Variants in PCDHA11 observed in about 807,000 individuals in gnomAD.
PCDHA11 encodes the protein protocadherin alpha 11.
PCDHA11 carries 61 observed loss-of-function variants against 70.3 expected under a neutral mutation model. The observed-to-expected ratio is 0.87, with a 90% confidence interval of 0.71 to 1.07. PCDHA11 has a LOEUF of 1.07. PCDHA11 is among the 50% of genes least tolerant of loss of function. The pLI is 0.00. For missense variants in PCDHA11, 1,324 were observed against 1,237.5 expected, an observed-to-expected ratio of 1.07 and a Z score of -1.05; for synonymous variants, 633 against 555.1, an observed-to-expected ratio of 1.14 and a Z score of -1.97.
rs782242128 is a variant in PCDHA11 at position 140,928,580 on chromosome 5, GT to G, written c.2392-50367del. 100 of 1,614,112 alleles carry G rather than the reference GT, an allele frequency of 6.2e-5. 1 individual carries two copies. The East Asian group carries it at 2.2e-3, about 36-fold the overall frequency. ...ATCTTGTTTCCCTTGCCCAGAAATG[GT>G]TCTGTCCCAGTGGAAATTGTGCCCC... On this transcript the variant is annotated intron_variant, in intron 1 of 3. Transcript: ENST00000398640.
At chr5:140,928,529 T>C in intron 1 of PCDHA11, 7 of 1,614,226 alleles carry the variant, frequency 4.3e-6, no homozygotes, top group Non-Finnish European at 4.2e-6. Flanking sequence ...TTGTTTGTGG[T>C]AGATAGGAAT....
intron 1 of PCDHA11, among the ~76,000 whole-genome samples, chr5:140,898,180 G>T (rs1216288813): frequency 6.6e-6 from 1 of 152,128 alleles, no homozygotes; most frequent in Non-Finnish European, 1.5e-5. Context: ...CTGTGCAGAA[G>T]CTCTTTAGTT....
At chr5:140,875,691 C>A (rs1554167867) in intron 1 of PCDHA11, 2 of 1,614,036 alleles carry the variant, frequency 1.2e-6, no homozygotes, top group South Asian at 1.1e-5. Flanking sequence ...GACACGGGGA[C>A]CTTCTGGAGG....
chr5:140,871,719 T>G (rs1228976923), intron 1 of PCDHA11: 1 of 783,446 alleles, frequency 1.3e-6, no homozygotes, highest in East Asian at 2.9e-5. Flanking sequence ...CCTATTTCTC[T>G]TAATATTTGG....
intron 1 of PCDHA11, chr5:140,883,519 C>A: frequency 6.2e-7 from 1 of 1,614,190 alleles, no homozygotes; most frequent in Non-Finnish European, 8.5e-7. Flanking sequence ...ACCGCGAGAG[C>A]GTATCAGCCT....
intron 1 of PCDHA11, chr5:140,883,465 C>T: frequency 6.2e-7 from 1 of 1,614,156 alleles, no homozygotes; most frequent in South Asian, 1.1e-5. Context: ...AGCTGGTGTC[C>T]ACCTACAAGA....
At chr5:141,003,750 A>T (rs868985181) in intron 3 of PCDHA11, among the ~76,000 whole-genome samples, 3 of 152,226 alleles carry the variant, frequency 2.0e-5, no homozygotes, top group African/African-American at 7.2e-5. Flanking sequence ...CATATTTTGT[A>T]TAATTATGGT....
Position 140,869,054 on chromosome 5 carries a change from T to C in PCDHA11, c.-50T>C. 6.5e-7 allele frequency: 1 copy of C among 1,545,104 alleles called. No individual in the cohort carries two copies. Among genetic ancestry groups the C allele is most frequent in the African/African-American group, 1.4e-5 (1 of 72,438 alleles). On this transcript the variant is annotated 5_prime_UTR_variant, in exon 1 of 4. Coordinates refer to ENST00000398640, the MANE Select transcript of PCDHA11 (RefSeq NM_018902.5). Reference sequence around the variant, plus strand: ...ATTTTTAACCTGAAACTGAAGAATCTGGTACTGTAAGTGTAAAGAAGCTTA... The same window carrying C: ...ATTTTTAACCTGAAACTGAAGAATCCGGTACTGTAAGTGTAAAGAAGCTTA...
chr5:140,897,255 C>A (rs890766563), intron 1 of PCDHA11, among the ~76,000 whole-genome samples: 2 of 151,828 alleles, frequency 1.3e-5, no homozygotes, highest in Admixed American at 1.3e-4. Flanking sequence ...CATATGTATA[C>A]ATGTGCCATG....
At chr5:140,991,411 C>G (rs905076175) in intron 3 of PCDHA11, among the ~76,000 whole-genome samples, 8 of 152,156 alleles carry the variant, frequency 5.3e-5, no homozygotes, top group Admixed American at 5.2e-4. Flanking sequence ...TCCCATTATG[C>G]TATAACAAAT....
At position 141,011,003 on chromosome 5, in the gene PCDHA11, C is replaced by G. The variant is rs748731648; in HGVS notation, c.*1066C>G. 2.0e-5 allele frequency: 3 copies of G among 153,824 alleles called. No homozygotes were observed. In the South Asian group the frequency reaches 6.2e-4, roughly 32 times the overall value. 9.5% of individuals were successfully genotyped at this position (153,824 alleles called of 1,614,324 possible). On this transcript the variant is annotated 3_prime_UTR_variant, in exon 4 of 4. Coordinates refer to ENST00000398640, the MANE Select transcript of PCDHA11 (RefSeq NM_018902.5). ...ATTGCCTGAAACATCTGTATTATAT[C>G]GGCCACCTGCCAATCACAGCTTTAC...
intron 1 of PCDHA11, among the ~76,000 whole-genome samples, chr5:140,947,982 T>C (rs1178353293): frequency 1.3e-5 from 2 of 148,572 alleles, no homozygotes; most frequent in Admixed American, 1.3e-4. Flanking sequence ...CTCATAGGTT[T>C]TTCCCAAATA....
At chr5:140,926,590 G>A (rs2083383863) in intron 1 of PCDHA11, 1 of 296,754 alleles carries the variant, frequency 3.4e-6, no homozygotes, top group Non-Finnish European at 6.1e-6. Context: ...CTCGCGCCCG[G>A]GCGGGCGGCC....
chr5:140,873,225 A>G (rs1476513279), intron 1 of PCDHA11, among the ~76,000 whole-genome samples: 2 of 152,224 alleles, frequency 1.3e-5, no homozygotes, highest in African/African-American at 2.4e-5. Context: ...AGAGAAGGCA[A>G]CAATATAAAA....
intron 1 of PCDHA11, among the ~76,000 whole-genome samples, chr5:140,971,061 G>A (rs2096454888): frequency 6.6e-6 from 1 of 152,154 alleles, no homozygotes; most frequent in Non-Finnish European, 1.5e-5. Context: ...TTTAAATAAG[G>A]TTGCTGTAGA....
At chr5:140,994,226 G>A (rs2097606248) in intron 3 of PCDHA11, among the ~76,000 whole-genome samples, 1 of 152,162 alleles carries the variant, frequency 6.6e-6, no homozygotes. Flanking sequence ...GTCTGTCTAT[G>A]TTATAATCAA....
chr5:140,937,869 G>C (rs1268422806), intron 1 of PCDHA11, among the ~76,000 whole-genome samples: 1 of 150,376 alleles, frequency 6.6e-6, no homozygotes, highest in South Asian at 2.1e-4. Context: ...CCGAGATCGC[G>C]CCACTGCACT....
intron 1 of PCDHA11, among the ~76,000 whole-genome samples, chr5:140,978,640 G>T (rs1339340351): frequency 6.6e-6 from 1 of 152,252 alleles, no homozygotes; most frequent in African/African-American, 2.4e-5. Flanking sequence ...TCTCAAAGCA[G>T]ACTGTTCTTC....
At chr5:140,986,696 C>G (rs2097209947) in intron 3 of PCDHA11, among the ~76,000 whole-genome samples, 2 of 152,130 alleles carry the variant, frequency 1.3e-5, no homozygotes, top group South Asian at 2.1e-4. Context: ...TCAAAACACA[C>G]AGCACTGCAG....
Sources: gnomAD v4.1 joint callset for allele counts (sites outside exome capture counted in the v4.1 genomes callset) on GRCh38, gnomAD v4.1.1 for gene constraint, MANE v1.5 for transcripts, NCBI Gene and HGNC (gene_info 2026-07-23, HGNC 2026-07-21) for gene names.